Variants in ZNF804A observed in about 807,000 individuals in gnomAD.
ZNF804A encodes zinc finger protein 804A.
A neutral mutation model predicts 16.5 loss-of-function variants in ZNF804A; 2 were observed. The observed-to-expected ratio is 0.12, with a 90% CI of 0.05 to 0.38. The LOEUF is 0.38. ZNF804A is among the 10% of genes least tolerant of loss of function. ZNF804A has a pLI of 0.99. For missense variants in ZNF804A, 1,473 were observed against 1,390.7 expected (o/e 1.06, Z -0.94); for synonymous variants, 534 against 489.6 (o/e 1.09, Z -1.20).
At chr2:184,887,436 C>A (rs1344890534) in intron 2 of ZNF804A, among the ~76,000 whole-genome samples, 2 of 152,158 alleles carry the variant, frequency 1.3e-5, no homozygotes, top group African/African-American at 4.8e-5. Flanking sequence ...AAAGTTGCTT[C>A]AACATTTTCA....
chr2:184,883,245 C>G (rs1020770672), intron 2 of ZNF804A, among the ~76,000 whole-genome samples: 4 of 151,992 alleles, frequency 2.6e-5, no homozygotes, highest in Non-Finnish European at 4.4e-5. Context: ...AATCCCTGAA[C>G]TGATCAATAA....
In ZNF804A at chr2:184,706,240, T is replaced by A. The variant is rs1693028868; in HGVS notation, c.111+107170T>A. The stretch of plus-strand genomic sequence containing the variant: ...CCTTCCAAGCAAAGTGAACAATCGC[T>A]GTTGTTTGAGGCTGTCTCAGAAAGA... On this transcript the variant is annotated intron_variant, in intron 1 of 3. Transcript: ENST00000302277. Among the ~76,000 whole-genome samples the A allele has an allele frequency of 3.3e-5, 5 of 152,156 alleles. 1 individual carries two copies.
intron 1 of ZNF804A, among the ~76,000 whole-genome samples, chr2:184,847,443 A>G (rs933446241): frequency 3.3e-5 from 5 of 152,070 alleles, no homozygotes; most frequent in Admixed American, 1.3e-4. Context: ...TTGAGATAAT[A>G]GAACCTGACC....
intron 2 of ZNF804A, among the ~76,000 whole-genome samples, chr2:184,900,319 T>A (rs528770914): frequency 6.6e-6 from 1 of 152,126 alleles, no homozygotes; most frequent in African/African-American, 2.4e-5. Context: ...TTGAGTGTTA[T>A]ACCACAGAAA....
At chr2:184,899,618 T>G (rs1477857834) in intron 2 of ZNF804A, among the ~76,000 whole-genome samples, 1 of 152,042 alleles carries the variant, frequency 6.6e-6, no homozygotes, top group East Asian at 1.9e-4. Context: ...ACTTGCATAT[T>G]TAATCCTCTT....
At chr2:184,935,097 C>G (rs1685763857) in intron 3 of ZNF804A, among the ~76,000 whole-genome samples, 1 of 152,108 alleles carries the variant, frequency 6.6e-6, no homozygotes, top group African/African-American at 2.4e-5. Flanking sequence ...TCAGAACTCA[C>G]TACAGTGTAA....
At chr2:184,887,854 A>G (rs1420653440) in intron 2 of ZNF804A, among the ~76,000 whole-genome samples, 1 of 152,200 alleles carries the variant, frequency 6.6e-6, no homozygotes, top group East Asian at 1.9e-4. Flanking sequence ...CACTATCTTA[A>G]GTGAGTTAAC....
At chr2:184,924,695 T>G (rs918196450) in intron 2 of ZNF804A, among the ~76,000 whole-genome samples, 1 of 151,810 alleles carries the variant, frequency 6.6e-6, no homozygotes, top group African/African-American at 2.4e-5. Context: ...ACTTTCCTCT[T>G]AGTAGTGCTT....
Position 184,745,143 on chromosome 2 carries a change from C to T in ZNF804A, c.112-121226C>T, listed in dbSNP as rs1403594586. Among the ~76,000 whole-genome samples, 7 of 151,868 alleles carry T rather than the reference C, an allele frequency of 4.6e-5. No homozygotes were observed. In the South Asian group the frequency reaches 1.5e-3, roughly 31 times the overall value. On this transcript the variant is annotated intron_variant, in intron 1 of 3. Coordinates refer to ENST00000302277, the MANE Select transcript of ZNF804A (RefSeq NM_194250.2). ...GCTTAGTGTATTATACCTATTTTTA[C>T]ATGTATAGCACAAAATAGATAATAT...
chr2:184,785,173 C>T (rs1694429060), intron 1 of ZNF804A, among the ~76,000 whole-genome samples: 1 of 151,960 alleles, frequency 6.6e-6, no homozygotes, highest in Admixed American at 6.6e-5. Flanking sequence ...AAATGGCCTA[C>T]CCTCCTTATC....
chr2:184,888,727 T>C (rs1684935885), intron 2 of ZNF804A, among the ~76,000 whole-genome samples: 1 of 152,086 alleles, frequency 6.6e-6, no homozygotes, highest in African/African-American at 2.4e-5. Flanking sequence ...CTGTTTTTAT[T>C]GTTGTTGTTT....
intron 1 of ZNF804A, among the ~76,000 whole-genome samples, chr2:184,857,669 G>A (rs1055950887): frequency 6.6e-6 from 1 of 151,994 alleles, no homozygotes; most frequent in Non-Finnish European, 1.5e-5. Flanking sequence ...ATATTTATAT[G>A]TTTATATTGT....
intron 1 of ZNF804A, among the ~76,000 whole-genome samples, chr2:184,656,459 A>G (rs752556368): frequency 1.3e-5 from 2 of 152,160 alleles, no homozygotes; most frequent in East Asian, 1.9e-4. Flanking sequence ...GTTTACTTCT[A>G]TGAAGAAATT....
rs146662284 is a variant in ZNF804A at position 184,843,747 on chromosome 2, T to C, written c.112-22622T>C. ...CAGTCTTTAATGGCTTTTGTCTTTT[T>C]AGTTTTAACCTATCTGATTATGTAT... On this transcript the variant is annotated intron_variant, in intron 1 of 3. Transcript: ENST00000302277. Among the ~76,000 whole-genome samples, 786 of 152,296 alleles carry C rather than the reference T, an allele frequency of 5.2e-3. 4 individuals carry two copies. The highest frequency in any genetic ancestry group is 8.4e-3 in the Non-Finnish European group (569 of 68,010).
At chr2:184,926,667 G>C (rs966940713) in intron 2 of ZNF804A, among the ~76,000 whole-genome samples, 1 of 151,888 alleles carries the variant, frequency 6.6e-6, no homozygotes, top group Admixed American at 6.6e-5. Flanking sequence ...GGTATTTTCC[G>C]GATCCTGTAG....
At chr2:184,716,969 G>A (rs1002836001) in intron 1 of ZNF804A, among the ~76,000 whole-genome samples, 16 of 152,012 alleles carry the variant, frequency 1.1e-4, no homozygotes, top group Middle Eastern at 3.2e-3. Context: ...CCACAGTGTA[G>A]AACACCCTGG....
intron 1 of ZNF804A, among the ~76,000 whole-genome samples, chr2:184,863,665 A>C (rs1487595339): frequency 6.6e-6 from 1 of 152,226 alleles, no homozygotes; most frequent in East Asian, 1.9e-4. Flanking sequence ...TTTACCATGA[A>C]ATTTCTGTTG....
chr2:184,695,137 A>C (rs1692808282), intron 1 of ZNF804A, among the ~76,000 whole-genome samples: 2 of 152,286 alleles, frequency 1.3e-5, no homozygotes, highest in Middle Eastern at 3.4e-3. Flanking sequence ...AAATATGTAG[A>C]GAGATAGAGA....
At chr2:184,690,475 A>G (rs1692710025) in intron 1 of ZNF804A, among the ~76,000 whole-genome samples, 1 of 152,070 alleles carries the variant, frequency 6.6e-6, no homozygotes, top group African/African-American at 2.4e-5. Context: ...GAATGGCAAC[A>G]GCCTGTTGAA....
Sources: gnomAD v4.1 joint callset for allele counts (sites outside exome capture counted in the v4.1 genomes callset) on GRCh38, gnomAD v4.1.1 for gene constraint, MANE v1.5 for transcripts, NCBI Gene and HGNC (gene_info 2026-07-23, HGNC 2026-07-21) for gene names.